The following TEAD1 variants were observed in gnomAD, a reference collection of about 807,000 sequenced individuals.
TEAD1 encodes the protein TEA domain transcription factor 1, also known as transcriptional enhancer factor TEF-1.
TEAD1 carries 9 observed loss-of-function variants against 54.9 expected under a neutral mutation model. That is an observed-to-expected ratio of 0.16 (90% CI 0.10 to 0.29). The LOEUF is 0.29. TEAD1 is among the 10% of genes least tolerant of loss of function. The pLI is 1.00. For synonymous variants in TEAD1, 200 were observed against 187.8 expected, an observed-to-expected ratio of 1.07 and a Z score of -0.53; for missense variants, 387 against 535.9, an observed-to-expected ratio of 0.72 and a Z score of 2.74.
chr11:12,835,144 A>G (rs529239716), intron 3 of TEAD1, among the ~76,000 whole-genome samples: 8 of 152,262 alleles, frequency 5.3e-5, no homozygotes, highest in East Asian at 3.9e-4. Context: ...GGCAGTGAGT[A>G]TGTGTAATGG....
At chr11:12,677,232 G>C (rs1164814080) in intron 2 of TEAD1, among the ~76,000 whole-genome samples, 1 of 152,062 alleles carries the variant, frequency 6.6e-6, no homozygotes, top group Non-Finnish European at 1.5e-5. Flanking sequence ...AATTTAAAGG[G>C]GGAGGACATC....
rs1448883225 is a variant in TEAD1 at position 12,865,144 on chromosome 11, A to G, written c.330+244A>G. 1.1e-5 allele frequency: 6 copies of G among 557,736 alleles called. No homozygotes were observed. The African/African-American group carries it at 1.1e-4, about 11-fold the overall frequency. The allele number at this position is 557,736 out of a possible 1,614,324, so 34.5% of individuals were successfully genotyped here. On this transcript the variant is annotated intron_variant, in intron 5 of 12. Transcript: ENST00000527636. ...GCGTGTGTATGTGTGTGTTCCTAAT[A>G]ACAATGCAAATGCAGCAGAGAGCTG...
At chr11:12,852,533 C>T (rs562617837) in intron 3 of TEAD1, among the ~76,000 whole-genome samples, 5 of 151,778 alleles carry the variant, frequency 3.3e-5, no homozygotes, top group South Asian at 2.1e-4. Context: ...CTGCAACCTC[C>T]GCCCCCTTGG....
chr11:12,772,858 T>C (rs765697503), intron 3 of TEAD1, among the ~76,000 whole-genome samples: 18 of 152,192 alleles, frequency 1.2e-4, no homozygotes, highest in Non-Finnish European at 2.1e-4. Context: ...CTACTTGTTG[T>C]GTGTTAGTCT....
intron 2 of TEAD1, among the ~76,000 whole-genome samples, chr11:12,686,720 A>T (rs1015598618): frequency 6.6e-6 from 1 of 152,170 alleles, no homozygotes; most frequent in Non-Finnish European, 1.5e-5. Context: ...ACCTAAATAG[A>T]TAAGCCAGAG....
chr11:12,746,875 C>T (rs1944756201), intron 2 of TEAD1, among the ~76,000 whole-genome samples: 1 of 152,224 alleles, frequency 6.6e-6, no homozygotes, highest in Non-Finnish European at 1.5e-5. Flanking sequence ...CAGGCTGCAG[C>T]AGGGGCTGGG....
At chr11:12,916,722 G>A (rs1480753951) in intron 10 of TEAD1, among the ~76,000 whole-genome samples, 1 of 152,242 alleles carries the variant, frequency 6.6e-6, no homozygotes, top group African/African-American at 2.4e-5. Context: ...CAAATGAGAA[G>A]CAGCATTCAC....
chr11:12,742,554 A>G (rs560809296), intron 2 of TEAD1, among the ~76,000 whole-genome samples: 6 of 152,312 alleles, frequency 3.9e-5, no homozygotes, highest in African/African-American at 1.4e-4. Context: ...GGTATATTTC[A>G]AAATGGCAAA....
chr11:12,833,256 C>T (rs1397989460), intron 3 of TEAD1, among the ~76,000 whole-genome samples: 1 of 152,068 alleles, frequency 6.6e-6, no homozygotes, highest in African/African-American at 2.4e-5. Context: ...TATTTTTAAT[C>T]AAGACTTTAT....
At chr11:12,728,413 G>C (rs777409643) in intron 2 of TEAD1, among the ~76,000 whole-genome samples, 1 of 152,202 alleles carries the variant, frequency 6.6e-6, no homozygotes, top group Non-Finnish European at 1.5e-5. Context: ...GTAGCACACA[G>C]ATAGCCCTCC....
At chr11:12,719,085 G>A (rs1385029476) in intron 2 of TEAD1, among the ~76,000 whole-genome samples, 1 of 151,896 alleles carries the variant, frequency 6.6e-6, no homozygotes, top group African/African-American at 2.4e-5. Context: ...TTGGGAAGCT[G>A]TCTCTTTGAT....
chr11:12,893,953 T>A (rs1564980629), intron 9 of TEAD1, among the ~76,000 whole-genome samples: 1 of 152,038 alleles, frequency 6.6e-6, no homozygotes, highest in Admixed American at 6.5e-5. Flanking sequence ...TTGGCTTGGC[T>A]CCGCAGCCAT....
At chr11:12,908,883 G>GTTTTTGTTTTTTTTTTT (rs769023879) in intron 10 of TEAD1, among the ~76,000 whole-genome samples, 7 of 99,656 alleles carry the variant, frequency 7.0e-5, no homozygotes, top group African/African-American at 9.6e-5. Flanking sequence ...CAAATTATCT[G>GTTTTTGTTTTTTTTTTT]TTTTTTTTTT....
intron 10 of TEAD1, among the ~76,000 whole-genome samples, chr11:12,916,885 A>G (rs1948723302): frequency 6.6e-6 from 1 of 152,172 alleles, no homozygotes; most frequent in Non-Finnish European, 1.5e-5. Flanking sequence ...GGTGAAGTTA[A>G]GGAGGAAAGG....
At chr11:12,935,084 G>A (rs555748014) in intron 12 of TEAD1, among the ~76,000 whole-genome samples, 1 of 152,288 alleles carries the variant, frequency 6.6e-6, no homozygotes, top group South Asian at 2.1e-4. Flanking sequence ...GCCATCCTGG[G>A]TTCTGATGCA....
At chr11:12,882,432 C>T (rs967634673) in intron 8 of TEAD1, among the ~76,000 whole-genome samples, 2 of 152,088 alleles carry the variant, frequency 1.3e-5, no homozygotes, top group Admixed American at 6.5e-5. Context: ...ACAAGGCGCA[C>T]CCCCCATCCC....
At chr11:12,792,180 A>G (rs1945816560) in intron 3 of TEAD1, among the ~76,000 whole-genome samples, 1 of 152,124 alleles carries the variant, frequency 6.6e-6, no homozygotes, top group South Asian at 2.1e-4. Context: ...GACAAAAATG[A>G]GTAAGTGTTT....
At chr11:12,684,108 A>G (rs1482337353) in intron 2 of TEAD1, among the ~76,000 whole-genome samples, 1 of 152,180 alleles carries the variant, frequency 6.6e-6, no homozygotes, top group Non-Finnish European at 1.5e-5. Context: ...GCATTTACTT[A>G]GAATCTGAGC....
chr11:12,819,881 G>T (rs1946503698), intron 3 of TEAD1, among the ~76,000 whole-genome samples: 1 of 152,190 alleles, frequency 6.6e-6, no homozygotes, highest in South Asian at 2.1e-4. Context: ...GATAAACATA[G>T]ACTTGGAGCC....
Sources: allele counts gnomAD v4.1 joint callset (sites outside exome capture counted in the v4.1 genomes callset), GRCh38; gene constraint gnomAD v4.1.1; transcripts MANE v1.5; gene names NCBI Gene and HGNC (gene_info 2026-07-23, HGNC 2026-07-21).